Variants in PPFIBP2 observed in about 807,000 individuals in gnomAD.
PPFIBP2 encodes liprin-beta-2.
Under a neutral mutation model 118.3 loss-of-function variants are expected in PPFIBP2, and 118 were observed. The observed-to-expected ratio is 1.00, with a 90% confidence interval of 0.86 to 1.16. PPFIBP2 has a LOEUF of 1.16. Among genes scored for constraint, PPFIBP2 ranks in the 50% most tolerant of loss-of-function variants. The probability of loss-of-function intolerance (pLI) is 0.00; values close to 1 mark genes in which losing one functional copy is unlikely to be tolerated. For synonymous variants in PPFIBP2, 414 were observed against 397.4 expected (o/e 1.04, Z -0.50); for missense variants, 1,195 against 1,073.1 (o/e 1.11, Z -1.59).
At chr11:7,577,332 T>TGTGTGTGCGTGTGTGTGTGTGC (rs1564994302) in intron 3 of PPFIBP2, 4 of 243,552 alleles carry the variant, frequency 1.6e-5, no homozygotes, top group South Asian at 6.5e-5. Context: ...TGTGTGTGTG[T>TGTGTGTGCGTGTGTGTGTGTGC]GTGTGTGTGT....
intron 1 of PPFIBP2, among the ~76,000 whole-genome samples, chr11:7,516,847 C>T (rs913306164): frequency 6.6e-6 from 1 of 152,054 alleles, no homozygotes; most frequent in Admixed American, 6.6e-5. Flanking sequence ...TGGGACTGGG[C>T]CTGAGAAGGG....
At chr11:7,582,080 C>T (rs143883609) in intron 3 of PPFIBP2, among the ~76,000 whole-genome samples, 1,766 of 152,142 alleles carry the variant, frequency 0.012, 30 homozygotes, top group African/African-American at 0.04. Flanking sequence ...TCAGATGATG[C>T]GCCCGCCTCA....
At chr11:7,645,513 A>G (rs988113347) in intron 17 of PPFIBP2, among the ~76,000 whole-genome samples, 1 of 152,240 alleles carries the variant, frequency 6.6e-6, no homozygotes, top group African/African-American at 2.4e-5. Flanking sequence ...TTGGCTGTAT[A>G]TGAAGGGTAT....
At chr11:7,544,114 T>G (rs1235925420) in intron 1 of PPFIBP2, among the ~76,000 whole-genome samples, 1 of 152,152 alleles carries the variant, frequency 6.6e-6, no homozygotes, top group Non-Finnish European at 1.5e-5. Context: ...AGCACACACA[T>G]AGGCCTGTGA....
At chr11:7,621,130 A>G (rs1297803697) in intron 7 of PPFIBP2, 103 bp downstream of exon 7, 1 of 856,832 alleles carries the variant, frequency 1.2e-6, no homozygotes, top group Non-Finnish European at 1.9e-6. Flanking sequence ...TGAAAATGCA[A>G]ATCAACCCTC....
intron 2 of PPFIBP2, among the ~76,000 whole-genome samples, chr11:7,563,826 G>C (rs994150306): frequency 6.6e-6 from 1 of 152,100 alleles, no homozygotes; most frequent in Non-Finnish European, 1.5e-5. Flanking sequence ...CTGAACTTAC[G>C]GAAAGGAGAC....
rs551449663 is a variant in PPFIBP2 at position 7,632,808 on chromosome 11, A to G, written c.1069-59A>G. ...GGAATCATGTGAAGCAGGGGGAAAGATGGTGGGTGGTCCCCAAACAGACTG... is the reference window on the plus strand; with the variant it reads ...GGAATCATGTGAAGCAGGGGGAAAGGTGGTGGGTGGTCCCCAAACAGACTG... On this transcript the variant is annotated intron_variant, in intron 11 of 23. Coordinates refer to ENST00000299492, the MANE Select transcript of PPFIBP2 (RefSeq NM_003621.5). 28 of 1,362,768 alleles carry G rather than the reference A, an allele frequency of 2.1e-5. No individual in the cohort carries two copies. In the South Asian group the frequency reaches 2.8e-4, roughly 14 times the overall value. The allele number at this position is 1,362,768 out of a possible 1,614,324, so 84.4% of individuals were successfully genotyped here.
the PPFIBP2 span, chr11:7,666,618 C>G: frequency 8.6e-7 from 1 of 1,169,570 alleles, no homozygotes; most frequent in Non-Finnish European, 1.3e-6. Context: ...CTGACTACAC[C>G]GGTCAGCATA....
chr11:7,648,417 C>G lies in PPFIBP2; in HGVS notation c.1677C>G (p.Ser559Arg), dbSNP rs1314026872. 1 of 1,614,014 alleles carries G rather than the reference C, an allele frequency of 6.2e-7. No homozygotes were observed. The highest frequency in any genetic ancestry group is 1.3e-5 in the African/African-American group (1 of 74,902). ...CCAATGCCCCCTTTGCCCAGTGGAGCACAGAGCGTGTGTGTGCATGGCTGG... is the reference window on the plus strand; with the variant it reads ...CCAATGCCCCCTTTGCCCAGTGGAGGACAGAGCGTGTGTGTGCATGGCTGG... ...SDANAPFAQW[S>R]TERVCAWLED... The change falls in exon 18 of 24, where the codon AGC (serine) becomes AGG (arginine). Residue 559 changes from serine (S) to arginine (R), a missense_variant. Ser to Arg is a moderately radical substitution (Grantham distance 110). Coordinates refer to ENST00000299492, the MANE Select transcript of PPFIBP2 (RefSeq NM_003621.5).
chr11:7,522,204 A>G (rs4757998), intron 1 of PPFIBP2, among the ~76,000 whole-genome samples: 113,828 of 152,044 alleles, frequency 0.75, 43,771 homozygotes, highest in African/African-American at 0.89. Flanking sequence ...GAGCAGAGGC[A>G]AGTGACCATG....
intron 2 of PPFIBP2, among the ~76,000 whole-genome samples, chr11:7,553,955 T>G (rs1464821186): frequency 6.6e-6 from 1 of 152,214 alleles, no homozygotes; most frequent in Non-Finnish European, 1.5e-5. Context: ...AGAGTGGTTT[T>G]GTTCTTGTCT....
chr11:7,537,920 T>A (rs1564949396), intron 1 of PPFIBP2, among the ~76,000 whole-genome samples: 1 of 107,736 alleles, frequency 9.3e-6, no homozygotes, highest in Non-Finnish European at 1.9e-5. Flanking sequence ...CATTAAGGCA[T>A]GGCCTTGGTT....
chr11:7,576,168 C>T (rs1856294815), intron 3 of PPFIBP2, among the ~76,000 whole-genome samples: 1 of 152,204 alleles, frequency 6.6e-6, no homozygotes, highest in South Asian at 2.1e-4. Context: ...TTCCAGGAAA[C>T]CCCGGAGGTG....
At chr11:7,591,007 C>A (rs1859180613) in intron 3 of PPFIBP2, among the ~76,000 whole-genome samples, 1 of 152,204 alleles carries the variant, frequency 6.6e-6, no homozygotes, top group African/African-American at 2.4e-5. Flanking sequence ...TTTTTACTGG[C>A]TGCTAGCGTG....
At chr11:7,624,121 C>G (rs546171924) in intron 7 of PPFIBP2, among the ~76,000 whole-genome samples, 22 of 152,274 alleles carry the variant, frequency 1.4e-4, no homozygotes, top group African/African-American at 4.6e-4. Context: ...ATTCAGAAAC[C>G]CTTGCGGTGG....
intron 1 of PPFIBP2, among the ~76,000 whole-genome samples, chr11:7,540,973 C>T (rs1358513497): frequency 6.6e-6 from 1 of 152,078 alleles, no homozygotes; most frequent in Non-Finnish European, 1.5e-5. Flanking sequence ...AGAGGTCTGC[C>T]AAAAGGTATG....
chr11:7,518,935 G>T (rs1480715974), intron 1 of PPFIBP2, among the ~76,000 whole-genome samples: 2 of 152,180 alleles, frequency 1.3e-5, no homozygotes, highest in Admixed American at 1.3e-4. Context: ...AGGGGAAAGG[G>T]GGTTTGAGTT....
intron 1 of PPFIBP2, among the ~76,000 whole-genome samples, chr11:7,526,636 C>T (rs1023088854): frequency 6.6e-6 from 1 of 152,098 alleles, no homozygotes; most frequent in African/African-American, 2.4e-5. Context: ...CTTTGGGAGG[C>T]CGAGGGTGGG....
intron 2 of PPFIBP2, among the ~76,000 whole-genome samples, chr11:7,560,179 C>A (rs1854136664): frequency 6.6e-6 from 1 of 152,136 alleles, no homozygotes; most frequent in African/African-American, 2.4e-5. Context: ...AAGGAAGAAA[C>A]CTGTCTGGGT....
Sources: allele counts gnomAD v4.1 joint callset (sites outside exome capture counted in the v4.1 genomes callset), GRCh38; gene constraint gnomAD v4.1.1; transcripts MANE v1.5; gene names NCBI Gene and HGNC (gene_info 2026-07-23, HGNC 2026-07-21).